Variants in NRXN1 observed in about 807,000 individuals in gnomAD.
NRXN1 encodes neurexin 1, also known as neurexin-1.
Under a neutral mutation model 150.9 loss-of-function variants are expected in NRXN1, and 39 were observed. That is an observed-to-expected ratio of 0.26 (90% CI 0.20 to 0.34). The LOEUF is 0.34. Among genes scored for constraint, NRXN1 ranks in the 10% least tolerant of loss-of-function variants. The pLI is 1.00. For synonymous variants in NRXN1, 924 were observed against 757.0 expected, an observed-to-expected ratio of 1.22 and a Z score of -3.62; for missense variants, 1,815 against 1,949.9, an observed-to-expected ratio of 0.93 and a Z score of 1.30.
chr2:49,935,316 C>T (rs1670841498), intron 22 of NRXN1, among the ~76,000 whole-genome samples: 1 of 152,064 alleles, frequency 6.6e-6, no homozygotes, highest in African/African-American at 2.4e-5. Flanking sequence ...CTCAAGTTTA[C>T]TCAATAAAAC....
At chr2:50,246,194 A>C (rs776947098) in intron 17 of NRXN1, among the ~76,000 whole-genome samples, 25 of 151,972 alleles carry the variant, frequency 1.6e-4, no homozygotes, top group Non-Finnish European at 3.4e-4. Context: ...CAGCCATCCA[A>C]GCCTTTGGCT....
chr2:50,789,799 T>A (rs1202454477), intron 5 of NRXN1, among the ~76,000 whole-genome samples: 1 of 152,050 alleles, frequency 6.6e-6, no homozygotes, highest in Non-Finnish European at 1.5e-5. Context: ...TACAGAAAAG[T>A]CATGGAAATC....
chr2:50,707,294 C>A (rs1345407240), intron 5 of NRXN1, among the ~76,000 whole-genome samples: 1 of 152,050 alleles, frequency 6.6e-6, no homozygotes, highest in Non-Finnish European at 1.5e-5. Context: ...GAATCAGAAC[C>A]CAGTTAGCCC....
chr2:50,396,394 G>A (rs1007738016), intron 17 of NRXN1, among the ~76,000 whole-genome samples: 3 of 152,074 alleles, frequency 2.0e-5, no homozygotes, highest in African/African-American at 7.2e-5. Flanking sequence ...ATTGTATTAT[G>A]GATATATTTT....
chr2:50,090,513 A>G (rs1699410751), intron 19 of NRXN1, among the ~76,000 whole-genome samples: 1 of 152,122 alleles, frequency 6.6e-6, no homozygotes, highest in South Asian at 2.1e-4. Context: ...TTGCAGTAAA[A>G]TATCTTTATA....
intron 8 of NRXN1, among the ~76,000 whole-genome samples, chr2:50,614,802 A>G (rs1035812976): frequency 4.0e-5 from 6 of 151,010 alleles, no homozygotes; most frequent in Non-Finnish European, 8.9e-5. Context: ...AGAAGTGCAT[A>G]AATTGAGAAG....
At chr2:50,280,943 A>C (rs1421484067) in intron 17 of NRXN1, among the ~76,000 whole-genome samples, 1 of 152,088 alleles carries the variant, frequency 6.6e-6, no homozygotes, top group Non-Finnish European at 1.5e-5. Flanking sequence ...GGGTGAAAAA[A>C]TATACATTTC....
chr2:50,400,213 G>A (rs919171375), intron 17 of NRXN1, among the ~76,000 whole-genome samples: 12 of 151,938 alleles, frequency 7.9e-5, no homozygotes, highest in South Asian at 2.1e-4. Context: ...TGAAGGAAGC[G>A]ATGTCGAGTT....
At chr2:50,545,446 C>A (rs2093473128) in intron 9 of NRXN1, among the ~76,000 whole-genome samples, 1 of 152,150 alleles carries the variant, frequency 6.6e-6, no homozygotes, top group South Asian at 2.1e-4. Context: ...AACTGCCTAT[C>A]TTCTTAGGGT....
At chr2:50,988,977 G>A (rs1444290048) in intron 2 of NRXN1, among the ~76,000 whole-genome samples, 8 of 151,498 alleles carry the variant, frequency 5.3e-5, no homozygotes, top group Non-Finnish European at 4.4e-5. Context: ...TTTATTTTCT[G>A]CCTTTCCCAC....
rs946316371 is a variant in NRXN1, at chr2:50,497,661, T to C, written c.2551A>G (p.Ile851Val). Residue 851 changes from isoleucine to valine, a missense_variant, in exon 14 of 23, where the codon ATC (isoleucine) becomes GTC (valine). Physicochemically the swap from Ile to Val is conservative, Grantham distance 29. This residue lies in a region of NRXN1 where 638 missense variants were observed against 652.6 expected (regional missense o/e 0.98). Coordinates refer to ENST00000401669, the MANE Select transcript of NRXN1 (RefSeq NM_001330078.2). ...GAAAGATACCGTCGTTCTGTGATGA[T>C]GCCAGTCTCTATGTTATGGAACTCC... ...RLEFHNIETG[I>V]ITERRYLSSV... The C allele has an allele frequency of 1.2e-6, 2 of 1,613,916 alleles. No homozygotes were observed. Among genetic ancestry groups the C allele is most frequent in the South Asian group, 1.1e-5 (1 of 91,084 alleles).
intron 8 of NRXN1, among the ~76,000 whole-genome samples, chr2:50,579,807 G>A (rs751963800): frequency 1.5e-4 from 23 of 152,034 alleles, no homozygotes; most frequent in Non-Finnish European, 3.1e-4. Context: ...TCTAGTAGGA[G>A]AATATGACAA....
chr2:50,134,816 A>C (rs1267354017), intron 18 of NRXN1, among the ~76,000 whole-genome samples: 1 of 152,178 alleles, frequency 6.6e-6, no homozygotes, highest in Non-Finnish European at 1.5e-5. Flanking sequence ...ATCATTGATG[A>C]AATTGATGAA....
rs145699908 is a variant in NRXN1, at chr2:50,046,004, T to A, written c.4128+7267A>T. 4.9e-4 allele frequency among the ~76,000 whole-genome samples: 74 copies of A among 152,344 alleles called. 2 individuals are homozygous for A. The East Asian group carries it at 0.014, about 29-fold the overall frequency. On this transcript the variant is annotated intron_variant, in intron 21 of 22. Coordinates refer to ENST00000401669, the MANE Select transcript of NRXN1 (RefSeq NM_001330078.2). The stretch of plus-strand genomic sequence containing the variant: ...TCTTAAGCTCCTTAATCAAAATATG[T>A]TATCCAGGATAGATACAGAAATCAT...
intron 18 of NRXN1, among the ~76,000 whole-genome samples, chr2:50,196,033 G>A (rs982437325): frequency 3.3e-5 from 5 of 151,830 alleles, no homozygotes; most frequent in Admixed American, 6.6e-5. Context: ...ATATGTAAAC[G>A]TGTGCCATGG....
At chr2:50,812,184 T>C (rs1668308229) in intron 5 of NRXN1, among the ~76,000 whole-genome samples, 1 of 152,196 alleles carries the variant, frequency 6.6e-6, no homozygotes, top group African/African-American at 2.4e-5. Context: ...AATGAATCCA[T>C]CTGAAAACAG....
At chr2:50,927,276 A>G (rs1687047370) in intron 2 of NRXN1, among the ~76,000 whole-genome samples, 1 of 152,066 alleles carries the variant, frequency 6.6e-6, no homozygotes, top group Admixed American at 6.6e-5. Flanking sequence ...ATTTTGTTTA[A>G]AACATTTCAG....
intron 8 of NRXN1, among the ~76,000 whole-genome samples, chr2:50,617,302 G>C (rs1305711869): frequency 6.6e-6 from 1 of 151,998 alleles, no homozygotes; most frequent in Non-Finnish European, 1.5e-5. Flanking sequence ...GGGTGTGGTG[G>C]TGCATGCCTG....
chr2:49,971,712 A>T (rs1677992783), intron 21 of NRXN1, among the ~76,000 whole-genome samples: 2 of 152,114 alleles, frequency 1.3e-5, no homozygotes, highest in Admixed American at 1.3e-4. Flanking sequence ...TGCTTAGTGA[A>T]TTTTTTTCCA....
Sources: gnomAD v4.1 joint callset for allele counts (sites outside exome capture counted in the v4.1 genomes callset) on GRCh38, gnomAD v4.1.1 for gene constraint, gnomAD v4.1.1 regional missense constraint, MANE v1.5 for transcripts, NCBI Gene and HGNC (gene_info 2026-07-23, HGNC 2026-07-21) for gene names.